The following RIMS2 variants were observed in gnomAD, a reference collection of about 807,000 sequenced individuals.
The protein encoded by RIMS2 is regulating synaptic membrane exocytosis protein 2.
Under a neutral mutation model 174.4 loss-of-function variants are expected in RIMS2, and 59 were observed. The ratio of observed to expected loss-of-function variants is 0.34; its 90% CI spans 0.27 to 0.42. The LOEUF is 0.42. Among genes scored for constraint, RIMS2 ranks in the 10% least tolerant of loss-of-function variants. The pLI is 1.00. For missense variants in RIMS2, 1,620 were observed against 1,666.3 expected (o/e 0.97, Z 0.48); for synonymous variants, 606 against 572.5 (o/e 1.06, Z -0.84).
chr8:103,900,851 T>C (rs2099324331), intron 4 of RIMS2, among the ~76,000 whole-genome samples: 1 of 152,056 alleles, frequency 6.6e-6, no homozygotes, highest in Admixed American at 6.6e-5. Context: ...ATCCAGAAAC[T>C]ATGCAAGGAG....
intron 1 of RIMS2, among the ~76,000 whole-genome samples, chr8:103,667,554 T>C (rs866328238): frequency 2.0e-5 from 3 of 152,152 alleles, no homozygotes; most frequent in South Asian, 2.1e-4. Context: ...AACACGTTGT[T>C]TTTCATCTTT....
At chr8:104,075,210 A>G (rs2097267198) in intron 19 of RIMS2, among the ~76,000 whole-genome samples, 1 of 152,102 alleles carries the variant, frequency 6.6e-6, no homozygotes, top group African/African-American at 2.4e-5. Context: ...CCTAGTATTC[A>G]TGTAAAACAG....
chr8:103,721,773 A>G (rs2138454182), intron 2 of RIMS2, among the ~76,000 whole-genome samples: 1 of 152,324 alleles, frequency 6.6e-6, no homozygotes, highest in Non-Finnish European at 1.5e-5. Context: ...TCCCATAACT[A>G]AAAAATACCA....
rs533975300 is a variant in RIMS2, at chr8:103,837,970, C to G, written c.699-47328C>G. Among the ~76,000 whole-genome samples, 12 of 146,408 alleles carry G rather than the reference C, an allele frequency of 8.2e-5. No homozygotes were observed. The South Asian group carries it at 2.6e-3, about 32-fold the overall frequency. On this transcript the variant is annotated intron_variant, in intron 3 of 23. Coordinates refer to ENST00000504942, the Ensembl canonical transcript of RIMS2. ...TTTTTTTTTTTTTCTGAGACAGTGTCTCCCTCCCAGGATCCAGCCAGGCTG... is the reference window on the plus strand; with the variant it reads ...TTTTTTTTTTTTTCTGAGACAGTGTGTCCCTCCCAGGATCCAGCCAGGCTG...
chr8:103,960,385 G>T (rs2089574758), intron 14 of RIMS2, among the ~76,000 whole-genome samples: 1 of 152,118 alleles, frequency 6.6e-6, no homozygotes, highest in Admixed American at 6.6e-5. Flanking sequence ...AACTATGAGT[G>T]CCTTTCCTAG....
At chr8:103,719,055 C>T (rs1406629324) in intron 2 of RIMS2, among the ~76,000 whole-genome samples, 4 of 152,004 alleles carry the variant, frequency 2.6e-5, no homozygotes, top group African/African-American at 7.3e-5. Flanking sequence ...GGCTGTGTGA[C>T]ACAGTTCTAG....
intron 4 of RIMS2, among the ~76,000 whole-genome samples, chr8:103,890,473 T>C (rs769837838): frequency 4.6e-5 from 7 of 152,030 alleles, no homozygotes; most frequent in Admixed American, 4.6e-4. Context: ...TAACTAGCAA[T>C]ATAAGGCAAT....
intron 1 of RIMS2, among the ~76,000 whole-genome samples, chr8:103,689,949 C>T (rs999474148): frequency 7.1e-6 from 1 of 139,940 alleles, no homozygotes; most frequent in Non-Finnish European, 1.5e-5. Context: ...CATTCAGCTA[C>T]TCCATGTGTC....
intron 3 of RIMS2, among the ~76,000 whole-genome samples, chr8:103,852,463 T>C (rs1012007013): frequency 2.0e-5 from 3 of 151,640 alleles, no homozygotes; most frequent in Admixed American, 2.0e-4. Flanking sequence ...ATGGGCAGGT[T>C]TGTGCTCAAT....
At chr8:103,957,253 T>C (rs1174585057) in intron 14 of RIMS2, among the ~76,000 whole-genome samples, 1 of 152,196 alleles carries the variant, frequency 6.6e-6, no homozygotes, top group Non-Finnish European at 1.5e-5. Flanking sequence ...TTACTGGTTA[T>C]ATACCCAAAG....
intron 19 of RIMS2, among the ~76,000 whole-genome samples, chr8:104,057,796 C>T (rs13258452): frequency 0.23 from 33,006 of 142,716 alleles, 3,533 homozygotes; most frequent in South Asian, 0.32. Flanking sequence ...TCAATTCCCA[C>T]CTATGAGTGA....
chr8:103,584,884 T>C (rs987143716), intron 1 of RIMS2, among the ~76,000 whole-genome samples: 1 of 150,944 alleles, frequency 6.6e-6, no homozygotes, highest in African/African-American at 2.4e-5. Context: ...CCCTTACTTA[T>C]CAGTAATAAC....
intron 14 of RIMS2, among the ~76,000 whole-genome samples, chr8:103,952,897 A>G (rs2085877962): frequency 6.6e-6 from 1 of 152,150 alleles, no homozygotes; most frequent in African/African-American, 2.4e-5. Context: ...AACTAGAATA[A>G]CCAGTTTAGA....
chr8:103,882,516 G>C (rs2099172631), intron 3 of RIMS2, among the ~76,000 whole-genome samples: 1 of 151,454 alleles, frequency 6.6e-6, no homozygotes, highest in Admixed American at 6.6e-5. Flanking sequence ...GGGTATTCTT[G>C]AAAACCTAAG....
chr8:103,868,069 A>G (rs749857914), intron 3 of RIMS2, among the ~76,000 whole-genome samples: 7 of 152,042 alleles, frequency 4.6e-5, no homozygotes, highest in African/African-American at 1.7e-4. Flanking sequence ...GCCAACATTT[A>G]TTAGACATCT....
At chr8:104,134,069 T>C (rs1359051157) in intron 19 of RIMS2, among the ~76,000 whole-genome samples, 1 of 152,154 alleles carries the variant, frequency 6.6e-6, no homozygotes, top group Non-Finnish European at 1.5e-5. Context: ...GATACATATG[T>C]ATCATATGAG....
intron 3 of RIMS2, among the ~76,000 whole-genome samples, chr8:103,786,809 C>G (rs1046983159): frequency 6.6e-6 from 1 of 152,114 alleles, no homozygotes; most frequent in African/African-American, 2.4e-5. Context: ...GAGCTGAGTT[C>G]AATTCCTGGG....
intron 19 of RIMS2, among the ~76,000 whole-genome samples, chr8:104,105,853 A>G (rs1000509207): frequency 6.6e-6 from 1 of 151,900 alleles, no homozygotes; most frequent in Non-Finnish European, 1.5e-5. Flanking sequence ...CCTGGCTAAC[A>G]TGGTGAAACC....
intron 9 of RIMS2, chr8:103,920,713 A>G (rs1233899810): frequency 6.6e-6 from 3 of 456,998 alleles, no homozygotes; most frequent in South Asian, 4.6e-5. Flanking sequence ...TTCCTGGCCT[A>G]GCGTGGTGGC....
Sources: allele counts gnomAD v4.1 joint callset (sites outside exome capture counted in the v4.1 genomes callset), GRCh38; gene constraint gnomAD v4.1.1; transcripts MANE v1.5; gene names NCBI Gene and HGNC (gene_info 2026-07-23, HGNC 2026-07-21).